ATP8A2: variants seen among roughly 807,000 people sequenced by gnomAD.
ATP8A2 encodes ATPase phospholipid transporting 8A2, also known as phospholipid-transporting ATPase IB.
In ATP8A2, 100 loss-of-function variants were observed where a neutral mutation model predicts 165.6. The observed-to-expected ratio is 0.60, with a 90% confidence interval of 0.51 to 0.71. The LOEUF (loss-of-function observed/expected upper bound fraction) is 0.71, where lower values mean the gene tolerates loss of function less well. ATP8A2 is among the 30% of genes least tolerant of loss of function. The pLI is 0.00. For synonymous variants in ATP8A2, 543 were observed against 548.8 expected, an observed-to-expected ratio of 0.99 and a Z score of 0.15; for missense variants, 1,227 against 1,479.5, an observed-to-expected ratio of 0.83 and a Z score of 2.80.
intron 34 of ATP8A2, among the ~76,000 whole-genome samples, chr13:25,962,515 T>C (rs1035424482): frequency 6.6e-6 from 1 of 152,208 alleles, no homozygotes; most frequent in Non-Finnish European, 1.5e-5. Context: ...AGTTCCAAGG[T>C]CATGTAAATT....
intron 34 of ATP8A2, 56 bp downstream of exon 34, chr13:25,961,719 G>A (rs1236740154): frequency 1.1e-5 from 14 of 1,328,208 alleles, no homozygotes; most frequent in East Asian, 2.3e-5. Flanking sequence ...CCCTGGAATT[G>A]TCTTTCTCAT....
chr13:25,977,355 T>G (rs572338738), intron 35 of ATP8A2, among the ~76,000 whole-genome samples: 15 of 152,176 alleles, frequency 9.9e-5, no homozygotes, highest in African/African-American at 3.6e-4. Context: ...CAGTTAAAGC[T>G]CTCGCCTTGC....
intron 24 of ATP8A2, among the ~76,000 whole-genome samples, chr13:25,613,026 G>A (rs1258033475): frequency 6.6e-6 from 1 of 152,020 alleles, no homozygotes; most frequent in African/African-American, 2.4e-5. Flanking sequence ...TGCATGTTAG[G>A]GGAGTCTCTT....
At chr13:25,653,212 G>C (rs2041853711) in intron 24 of ATP8A2, among the ~76,000 whole-genome samples, 1 of 152,144 alleles carries the variant, frequency 6.6e-6, no homozygotes, top group Admixed American at 6.6e-5. Flanking sequence ...TATTGAATAG[G>C]GAGTCCTTTC....
At chr13:25,540,622 T>C (rs961427305) in intron 8 of ATP8A2, among the ~76,000 whole-genome samples, 18 of 152,118 alleles carry the variant, frequency 1.2e-4, no homozygotes, top group African/African-American at 4.1e-4. Flanking sequence ...TAGCGTCTTA[T>C]TGAGTTCTCT....
At chr13:25,529,881 G>T in intron 2 of ATP8A2, 118 bp from the exon 3 acceptor site, 1 of 582,742 alleles carries the variant, frequency 1.7e-6, no homozygotes, top group South Asian at 2.6e-5. Flanking sequence ...TCCTTGTCTT[G>T]AGTTTTGAAA....
intron 1 of ATP8A2, among the ~76,000 whole-genome samples, chr13:25,454,165 G>A (rs770896922): frequency 4.6e-5 from 7 of 152,092 alleles, no homozygotes; most frequent in East Asian, 1.9e-4. Flanking sequence ...GTCTCTTTGC[G>A]TTTGGCTCCC....
chr13:25,770,743 C>G (rs542927064), intron 26 of ATP8A2, among the ~76,000 whole-genome samples: 1 of 152,326 alleles, frequency 6.6e-6, no homozygotes, highest in Admixed American at 6.5e-5. Context: ...GCCTGTCCCT[C>G]TGTCTCCAGA....
intron 24 of ATP8A2, among the ~76,000 whole-genome samples, chr13:25,608,173 G>A (rs1231836063): frequency 6.6e-6 from 1 of 152,184 alleles, no homozygotes; most frequent in Non-Finnish European, 1.5e-5. Flanking sequence ...TTGGCTTTTG[G>A]TGAAGGCTTT....
intron 33 of ATP8A2, among the ~76,000 whole-genome samples, chr13:25,890,522 C>T (rs1953325139): frequency 6.6e-6 from 1 of 152,144 alleles, no homozygotes; most frequent in Non-Finnish European, 1.5e-5. Flanking sequence ...CGTATTTGTA[C>T]TTCTGTCTTC....
intron 33 of ATP8A2, among the ~76,000 whole-genome samples, chr13:25,924,994 A>G (rs966090982): frequency 4.6e-5 from 7 of 152,108 alleles, no homozygotes; most frequent in Non-Finnish European, 8.8e-5. Context: ...CTTTTTCTTT[A>G]TAGATTAACC....
At chr13:25,816,675 C>T (rs1477478674) in intron 27 of ATP8A2, among the ~76,000 whole-genome samples, 1 of 152,194 alleles carries the variant, frequency 6.6e-6, no homozygotes, top group African/African-American at 2.4e-5. Flanking sequence ...AAACTTGAAG[C>T]AGGGCCTTAG....
intron 24 of ATP8A2, among the ~76,000 whole-genome samples, chr13:25,698,604 T>A (rs1343261792): frequency 6.6e-6 from 1 of 152,152 alleles, no homozygotes; most frequent in African/African-American, 2.4e-5. Flanking sequence ...TACACCAAGA[T>A]GCTTTTAAGG....
At chr13:25,847,729 A>T (rs1951900272) in intron 30 of ATP8A2, among the ~76,000 whole-genome samples, 1 of 152,084 alleles carries the variant, frequency 6.6e-6, no homozygotes, top group African/African-American at 2.4e-5. Flanking sequence ...CATATTCCTG[A>T]TGCACTGGCA....
At chr13:25,437,881 T>G (rs4770833) in intron 1 of ATP8A2, among the ~76,000 whole-genome samples, 106,580 of 152,048 alleles carry the variant, frequency 0.7, 37,862 homozygotes, top group East Asian at 0.99. Context: ...ATACCCAAAA[T>G]GATTCTTTGC....
chr13:25,402,406 G>A (rs551443630), intron 1 of ATP8A2, among the ~76,000 whole-genome samples: 14 of 152,296 alleles, frequency 9.2e-5, no homozygotes, highest in African/African-American at 3.4e-4. Flanking sequence ...CCCTGCGTGT[G>A]TTAGGGTATG....
intron 2 of ATP8A2, among the ~76,000 whole-genome samples, chr13:25,493,367 C>T (rs1333680288): frequency 6.6e-6 from 1 of 152,072 alleles, no homozygotes; most frequent in South Asian, 2.1e-4. Flanking sequence ...TTTGAAGTTA[C>T]ATAAGAAAAT....
At chr13:25,852,191 A>G (rs1353155531) in intron 30 of ATP8A2, among the ~76,000 whole-genome samples, 2 of 152,034 alleles carry the variant, frequency 1.3e-5, no homozygotes, top group Non-Finnish European at 2.9e-5. Context: ...CTCAACCAGG[A>G]TTGATTTTTG....
rs117976963 is a variant in ATP8A2 at position 25,618,998 on chromosome 13, C to T, written c.2211+29299C>T. 5.8e-4 allele frequency among the ~76,000 whole-genome samples: 89 copies of T among 152,198 alleles called. 1 individual carries two copies. In the East Asian group the frequency reaches 0.015, roughly 26 times the overall value. On this transcript the variant is annotated intron_variant, in intron 24 of 36. Transcript: ENST00000381655. Reference sequence around the variant, plus strand: ...AGGCTAGGTTACCCTGACCACTTCTCCTGCTGAAACTAAGTAAGATTGTTG... The same window carrying T: ...AGGCTAGGTTACCCTGACCACTTCTTCTGCTGAAACTAAGTAAGATTGTTG...
Sources: gnomAD v4.1 joint callset for allele counts (sites outside exome capture counted in the v4.1 genomes callset) on GRCh38, gnomAD v4.1.1 for gene constraint, MANE v1.5 for transcripts, NCBI Gene and HGNC (gene_info 2026-07-23, HGNC 2026-07-21) for gene names.